DDX50: variants seen among roughly 807,000 people sequenced by gnomAD.
DDX50 encodes DExD-box helicase 50.
Under a neutral mutation model 94.8 loss-of-function variants are expected in DDX50, and 56 were observed. The ratio of observed to expected loss-of-function variants is 0.59; its 90% confidence interval spans 0.48 to 0.74. The LOEUF is 0.74. Ranked by LOEUF, DDX50 falls within the 30% of genes least tolerant of loss-of-function variation. The pLI is 0.00. For synonymous variants in DDX50, 264 were observed against 295.4 expected (o/e 0.89, Z 1.09); for missense variants, 713 against 881.2 (o/e 0.81, Z 2.42).
At chr10:68,927,653 TA>T (rs1256235586) in intron 8 of DDX50, among the ~76,000 whole-genome samples, 6 of 152,186 alleles carry the variant, frequency 3.9e-5, no homozygotes, top group African/African-American at 1.4e-4. Flanking sequence ...AAAAGTAAAT[TA>T]AAAAAATATA....
intron 13 of DDX50, among the ~76,000 whole-genome samples, chr10:68,942,323 A>G (rs1484836694): frequency 5.9e-5 from 9 of 152,224 alleles, no homozygotes; most frequent in Non-Finnish European, 1.3e-4. Flanking sequence ...ATTTAACTTT[A>G]CTGCATAGGT....
chr10:68,946,638 A>G lies in DDX50; in HGVS notation c.*8A>G. Reference sequence around the variant, plus strand: ...AAACGGAGTTTTGACTGAGTATTTGATAGTTAATCTACCAGTGTGAGCTTG... The same window carrying G: ...AAACGGAGTTTTGACTGAGTATTTGGTAGTTAATCTACCAGTGTGAGCTTG... On this transcript the variant is annotated 3_prime_UTR_variant, in exon 15 of 15. Coordinates refer to ENST00000373585, the MANE Select transcript of DDX50 (RefSeq NM_024045.2). The G allele has an allele frequency of 6.2e-7, 1 of 1,609,808 alleles. No homozygotes were observed. The highest frequency in any genetic ancestry group is 8.5e-7 in the Non-Finnish European group (1 of 1,177,464).
At chr10:68,943,097 C>A (rs955413) in intron 13 of DDX50, 116 bp from the exon 14 acceptor site, 3 of 889,626 alleles carry the variant, frequency 3.4e-6, no homozygotes, top group African/African-American at 1.7e-5. Context: ...TGTTTAGTTA[C>A]TTTTTAAATT....
Position 68,911,259 on chromosome 10 carries a change from G to A in DDX50, c.639+13G>A. The A allele has an allele frequency of 1.9e-6, 3 of 1,557,262 alleles. No individual in the cohort carries two copies. Among genetic ancestry groups the A allele is most frequent in the African/African-American group, 1.4e-5 (1 of 72,450 alleles). On this transcript the variant is annotated intron_variant, in intron 4 of 14. Transcript: ENST00000373585. ...CCGCTCACCAAAGGTAATCGTTATA[G>A]GGGGTAAAAGCTTTAAATGTTACTC...
At chr10:68,906,148 A>G (rs550135615) in intron 1 of DDX50, 1 of 152,668 alleles carries the variant, frequency 6.6e-6, no homozygotes, top group Middle Eastern at 3.4e-3. Context: ...CGTTAGTTCA[A>G]GTTAAATTTT....
At chr10:68,918,069 C>G (rs905181628) in intron 7 of DDX50, among the ~76,000 whole-genome samples, 1 of 151,808 alleles carries the variant, frequency 6.6e-6, no homozygotes, top group Non-Finnish European at 1.5e-5. Flanking sequence ...GGATTACAGG[C>G]GTCTGCCACC....
intron 1 of DDX50, among the ~76,000 whole-genome samples, chr10:68,902,852 A>G: frequency 6.6e-6 from 1 of 152,188 alleles, no homozygotes; most frequent in East Asian, 1.9e-4. Context: ...TATCTTCATC[A>G]TTTGATTGAC....
intron 13 of DDX50, among the ~76,000 whole-genome samples, chr10:68,942,717 G>A (rs1235586762): frequency 6.6e-6 from 1 of 151,682 alleles, no homozygotes; most frequent in Non-Finnish European, 1.5e-5. Flanking sequence ...AGGCCCAAGC[G>A]ATCCTCCCAC....
rs531039395 is a variant in DDX50, at chr10:68,918,008, T to C, written c.1090-1824T>C. On this transcript the variant is annotated intron_variant, in intron 7 of 14. Transcript: ENST00000373585. ...GGCGCAGTCTCAGCTCACTGCAACC[T>C]CTGCCTCCGGGGTTCAAGCGATTCT... Among the ~76,000 whole-genome samples, 4 of 152,114 alleles carry C rather than the reference T, an allele frequency of 2.6e-5. No homozygotes were observed. The East Asian group carries it at 7.7e-4, about 29-fold the overall frequency.
chr10:68,914,254 T>G, intron 7 of DDX50, 50 bp downstream of exon 7: 1 of 1,591,714 alleles, frequency 6.3e-7, no homozygotes, highest in Non-Finnish European at 8.5e-7. Flanking sequence ...TGGTATTTAC[T>G]TTTGACATTT....
At chr10:68,935,850 A>G (rs1333305451) in intron 10 of DDX50, among the ~76,000 whole-genome samples, 156 bp from the exon 11 acceptor site, 1 of 152,180 alleles carries the variant, frequency 6.6e-6, no homozygotes, top group Non-Finnish European at 1.5e-5. Context: ...AAAAACAAAA[A>G]CAAAAACAAA....
intron 12 of DDX50, 138 bp from the exon 13 acceptor site, chr10:68,940,922 A>G: frequency 1.7e-6 from 2 of 1,147,440 alleles, no homozygotes; most frequent in Non-Finnish European, 2.4e-6. Context: ...TGTAGTTTCA[A>G]AAAAATTTTT....
At chr10:68,922,901 C>G (rs1391742203) in intron 8 of DDX50, among the ~76,000 whole-genome samples, 1 of 149,454 alleles carries the variant, frequency 6.7e-6, no homozygotes, top group Admixed American at 6.7e-5. Flanking sequence ...AAGCGACTCT[C>G]CTGCCTCAGC....
At chr10:68,907,449 G>A (rs1335667113) in intron 2 of DDX50, among the ~76,000 whole-genome samples, 1 of 150,958 alleles carries the variant, frequency 6.6e-6, no homozygotes, top group Admixed American at 6.6e-5. Context: ...TCAAGTAGCT[G>A]GGATTACGGG....
At position 68,939,003 on chromosome 10, in the gene DDX50, A is replaced by G. The variant is rs180930606; in HGVS notation, c.1755+1908A>G. 2.6e-5 allele frequency among the ~76,000 whole-genome samples: 4 copies of G among 152,288 alleles called. No individual in the cohort carries two copies. The East Asian group carries it at 7.7e-4, about 29-fold the overall frequency. Reference sequence around the variant, plus strand: ...TAACTTTTGCCTTTATCCTCTTTTAAACTGAAAGTAATATCAAAGCTTGAC... The same window carrying G: ...TAACTTTTGCCTTTATCCTCTTTTAGACTGAAAGTAATATCAAAGCTTGAC... On this transcript the variant is annotated intron_variant, in intron 12 of 14. Transcript: ENST00000373585.
chr10:68,926,902 TA>T (rs1444086791), intron 8 of DDX50, among the ~76,000 whole-genome samples: 1 of 148,522 alleles, frequency 6.7e-6, no homozygotes, highest in Non-Finnish European at 1.5e-5. Context: ...AATTATCAAG[TA>T]AAAAAAACCC....
At chr10:68,920,329 T>C (rs1176955371) in intron 8 of DDX50, among the ~76,000 whole-genome samples, 1 of 152,056 alleles carries the variant, frequency 6.6e-6, no homozygotes, top group Non-Finnish European at 1.5e-5. Context: ...GCCCAGCTCA[T>C]TTTTTGCGTA....
Position 68,936,964 on chromosome 10 carries a change from G to C in DDX50, c.1624G>C (p.Val542Leu), listed in dbSNP as rs1842436773. ...RSLASVSYAA[V>L]DFFRPSAQRL... ...TCTGGCTTCCGTTTCTTACGCTGCT[G>C]TTGATTTTTTCCGACCATCAGCTCA... is the stretch of plus-strand genomic sequence containing the variant. Residue 542 changes from valine to leucine, a missense_variant, in exon 12 of 15, where the codon GTT becomes CTT. Transcript: ENST00000373585. The C allele has an allele frequency of 2.5e-6, 4 of 1,608,708 alleles. No individual in the cohort carries two copies. In the East Asian group the frequency reaches 8.9e-5, roughly 36 times the overall value.
intron 12 of DDX50, among the ~76,000 whole-genome samples, chr10:68,940,759 C>T (rs886159230): frequency 1.3e-5 from 2 of 152,070 alleles, no homozygotes; most frequent in Non-Finnish European, 2.9e-5. Context: ...TTCAACATTT[C>T]CTTAATTCTT....
Sources: gnomAD v4.1 joint callset for allele counts (sites outside exome capture counted in the v4.1 genomes callset) on GRCh38, gnomAD v4.1.1 for gene constraint, MANE v1.5 for transcripts, NCBI Gene and HGNC (gene_info 2026-07-23, HGNC 2026-07-21) for gene names.